NBEA: variants seen among roughly 807,000 people sequenced by gnomAD.
NBEA encodes the protein lysosomal-trafficking regulator 2.
Under a neutral mutation model 343.4 loss-of-function variants are expected in NBEA, and 44 were observed. The observed-to-expected ratio is 0.13, with a 90% CI of 0.10 to 0.16. NBEA has a LOEUF of 0.16. Ranked by LOEUF, NBEA falls within the 10% of genes least tolerant of loss-of-function variation. The pLI is 1.00. For synonymous variants in NBEA, 1,175 were observed against 1,238.7 expected (o/e 0.95, Z 1.08); for missense variants, 2,555 against 3,631.3 (o/e 0.70, Z 7.62).
rs1333774345 is a variant in NBEA at position 35,310,961 on chromosome 13, TTC to T, written c.5903+1371_5903+1372del. 4.6e-5 allele frequency among the ~76,000 whole-genome samples: 7 copies of T among 152,314 alleles called. No homozygotes were observed. The South Asian group carries it at 6.2e-4, about 14-fold the overall frequency. ...ACTGTATTATATTTTGAGAAATATCTTCTGTTTTTATAACAATTTATCTTATT... is the reference window on the plus strand; with the variant it reads ...ACTGTATTATATTTTGAGAAATATCTTGTTTTTATAACAATTTATCTTATT... On this transcript the variant is annotated intron_variant, in intron 36 of 58. Coordinates refer to ENST00000379939, the MANE Select transcript of NBEA (RefSeq NM_001385012.1).
chr13:35,633,862 ATAAGT>A (rs1204853498), intron 49 of NBEA, among the ~76,000 whole-genome samples: 2 of 152,196 alleles, frequency 1.3e-5, no homozygotes, highest in Non-Finnish European at 2.9e-5. Flanking sequence ...AACAGAGAAA[ATAAGT>A]TAATTTGTTT....
intron 41 of NBEA, 47 bp downstream of exon 41, chr13:35,472,583 G>A: frequency 1.9e-6 from 3 of 1,612,084 alleles, no homozygotes; most frequent in Non-Finnish European, 2.5e-6. Flanking sequence ...TTTGTGGCAG[G>A]AAGTGGTTTT....
intron 39 of NBEA, among the ~76,000 whole-genome samples, chr13:35,447,947 T>C (rs1486972984): frequency 1.3e-5 from 2 of 152,122 alleles, no homozygotes; most frequent in East Asian, 1.9e-4. Context: ...CTTCCCTCTT[T>C]TTGCCTGTAA....
chr13:35,277,573 A>G lies in NBEA; in HGVS notation c.5777-12816A>G, dbSNP rs1159420552. On this transcript the variant is annotated intron_variant, in intron 34 of 58. Transcript: ENST00000379939. ...TAGGCAGAAGTTGCAGTCAGCTGAG[A>G]TCGCACCATTGCACTCCAGCCTGGG... 2.2e-5 allele frequency among the ~76,000 whole-genome samples: 3 copies of G among 135,268 alleles called. No homozygotes were observed. In the Admixed American group the frequency reaches 2.6e-4, roughly 12 times the overall value. 88.7% of individuals were successfully genotyped at this position (135,268 alleles called of 152,430 possible).
chr13:35,035,730 C>G (rs2062415145), intron 1 of NBEA, among the ~76,000 whole-genome samples: 1 of 151,908 alleles, frequency 6.6e-6, no homozygotes, highest in African/African-American at 2.4e-5. Flanking sequence ...GTTATATCCT[C>G]TCACTTAATT....
At chr13:35,342,180 C>G (rs1375541092) in intron 36 of NBEA, among the ~76,000 whole-genome samples, 1 of 151,914 alleles carries the variant, frequency 6.6e-6, no homozygotes, top group Non-Finnish European at 1.5e-5. Context: ...TAGACTAGTA[C>G]TTACCAGAAG....
At chr13:35,599,349 C>G (rs765693281) in intron 47 of NBEA, among the ~76,000 whole-genome samples, 5 of 152,154 alleles carry the variant, frequency 3.3e-5, no homozygotes, top group Admixed American at 6.6e-5. Flanking sequence ...ATTTATTCAT[C>G]GACAATTATG....
intron 39 of NBEA, among the ~76,000 whole-genome samples, chr13:35,448,832 T>G (rs2046167291): frequency 6.6e-6 from 1 of 152,154 alleles, no homozygotes; most frequent in South Asian, 2.1e-4. Flanking sequence ...CACCAGGCAC[T>G]GAAGCTACAG....
chr13:35,637,022 T>G (rs909852153), intron 49 of NBEA, among the ~76,000 whole-genome samples: 1 of 152,220 alleles, frequency 6.6e-6, no homozygotes, highest in Non-Finnish European at 1.5e-5. Flanking sequence ...TGCTTGGATA[T>G]AATCTTTTTT....
At chr13:35,348,267 G>C (rs1051270562) in intron 36 of NBEA, among the ~76,000 whole-genome samples, 2 of 152,110 alleles carry the variant, frequency 1.3e-5, no homozygotes, top group Non-Finnish European at 2.9e-5. Flanking sequence ...GAAAAGCTGG[G>C]TAAAGAACAG....
chr13:35,071,372 A>T (rs1418160612), intron 10 of NBEA, among the ~76,000 whole-genome samples: 1 of 152,034 alleles, frequency 6.6e-6, no homozygotes, highest in Non-Finnish European at 1.5e-5. Context: ...TGAGGACTCA[A>T]TCTAACCAGG....
chr13:35,428,662 A>C (rs1594605648), intron 38 of NBEA, among the ~76,000 whole-genome samples: 1 of 151,988 alleles, frequency 6.6e-6, no homozygotes, highest in African/African-American at 2.4e-5. Context: ...TTGCTTATTG[A>C]AGTATATTTT....
intron 38 of NBEA, among the ~76,000 whole-genome samples, chr13:35,416,867 T>C (rs986201568): frequency 3.9e-5 from 6 of 152,184 alleles, no homozygotes; most frequent in Non-Finnish European, 7.4e-5. Context: ...TGTCTGGTCC[T>C]GGACTTTTTT....
intron 33 of NBEA, among the ~76,000 whole-genome samples, chr13:35,216,446 T>G (rs1038937514): frequency 9.9e-5 from 15 of 152,104 alleles, no homozygotes; most frequent in African/African-American, 3.6e-4. Context: ...AAATATTTAC[T>G]GTCTTATCCT....
chr13:35,215,084 G>A (rs1246989259), intron 33 of NBEA, among the ~76,000 whole-genome samples: 2 of 151,492 alleles, frequency 1.3e-5, no homozygotes, highest in Non-Finnish European at 3.0e-5. Context: ...ATGATGTAAT[G>A]TAAGTCCTGT....
At chr13:35,241,616 G>A (rs1261959148) in intron 34 of NBEA, among the ~76,000 whole-genome samples, 1 of 151,730 alleles carries the variant, frequency 6.6e-6, no homozygotes, top group African/African-American at 2.4e-5. Context: ...AGAGTAACAT[G>A]AGCAATATAG....
chr13:35,021,571 T>C (rs1280997298), intron 1 of NBEA, among the ~76,000 whole-genome samples: 1 of 152,206 alleles, frequency 6.6e-6, no homozygotes. Flanking sequence ...TTGGATTAAT[T>C]GAATATTTGT....
At chr13:35,461,475 A>G (rs905754108) in intron 40 of NBEA, among the ~76,000 whole-genome samples, 1 of 152,224 alleles carries the variant, frequency 6.6e-6, no homozygotes, top group Non-Finnish European at 1.5e-5. Flanking sequence ...ATATTTTTCT[A>G]TATGGAGGTG....
At chr13:35,222,593 G>A (rs958214186) in intron 33 of NBEA, among the ~76,000 whole-genome samples, 1 of 151,438 alleles carries the variant, frequency 6.6e-6, no homozygotes, top group South Asian at 2.1e-4. Flanking sequence ...CTCCAATATT[G>A]TCTTATTGTA....
Sources: allele counts gnomAD v4.1 joint callset (sites outside exome capture counted in the v4.1 genomes callset), GRCh38; gene constraint gnomAD v4.1.1; transcripts MANE v1.5; gene names NCBI Gene and HGNC (gene_info 2026-07-23, HGNC 2026-07-21).